The following TMEM161B variants were observed in gnomAD, a reference collection of about 807,000 sequenced individuals.
TMEM161B encodes the protein transmembrane protein 161B.
Under a neutral mutation model 61.8 loss-of-function variants are expected in TMEM161B, and 34 were observed. That is an observed-to-expected ratio of 0.55 (90% CI 0.42 to 0.73). The LOEUF is 0.73. Among genes scored for constraint, TMEM161B ranks in the 30% least tolerant of loss-of-function variants. The pLI, the probability that TMEM161B is intolerant of heterozygous loss-of-function variation, is 0.00. For synonymous variants in TMEM161B, 167 were observed against 192.8 expected (o/e 0.87, Z 1.11); for missense variants, 456 against 558.5 (o/e 0.82, Z 1.85).
intron 5 of TMEM161B, among the ~76,000 whole-genome samples, chr5:88,212,457 T>C (rs542478597): frequency 6.6e-6 from 1 of 152,302 alleles, no homozygotes; most frequent in Admixed American, 6.5e-5. Context: ...ATGAACAGGT[T>C]CAAGTTTTAG....
At position 88,203,093 on chromosome 5, in the gene TMEM161B, A is replaced by T. The variant is rs1185341327; in HGVS notation, c.801-18T>A. 1 of 1,465,166 alleles carries T rather than the reference A, an allele frequency of 6.8e-7. No individual in the cohort carries two copies. The highest frequency in any genetic ancestry group is 9.5e-7 in the Non-Finnish European group (1 of 1,048,966). The allele number at this position is 1,465,166 out of a possible 1,614,324, so 90.8% of individuals were successfully genotyped here. A position where few individuals can be genotyped will look rare whatever the true frequency, so the allele number is the denominator to read the frequency against. ...GTAAAGTTCTGAAAGTACGTAAGAAATAAATATAAAAATTCAGAAACAGCA... is the reference window on the plus strand; with the variant it reads ...GTAAAGTTCTGAAAGTACGTAAGAATTAAATATAAAAATTCAGAAACAGCA... On this transcript the variant is annotated intron_variant, in intron 8 of 11. Transcript: ENST00000296595.
intron 1 of TMEM161B, among the ~76,000 whole-genome samples, chr5:88,256,232 T>C (rs1402852829): frequency 6.6e-6 from 1 of 152,182 alleles, no homozygotes; most frequent in Non-Finnish European, 1.5e-5. Context: ...TAATATCTCA[T>C]ATAAAGCAAT....
At chr5:88,266,870 C>T (rs1476897137) in intron 1 of TMEM161B, among the ~76,000 whole-genome samples, 2 of 152,116 alleles carry the variant, frequency 1.3e-5, no homozygotes, top group Non-Finnish European at 2.9e-5. Context: ...ATAAGCACTT[C>T]CAGAAGGAAA....
chr5:88,258,699 CAG>C (rs1272482387), intron 1 of TMEM161B, among the ~76,000 whole-genome samples: 1 of 152,052 alleles, frequency 6.6e-6, no homozygotes, highest in Non-Finnish European at 1.5e-5. Context: ...GCTTCAGTAA[CAG>C]AACCTTGCTG....
At chr5:88,251,245 G>A (rs1362709373) in intron 1 of TMEM161B, among the ~76,000 whole-genome samples, 2 of 152,004 alleles carry the variant, frequency 1.3e-5, no homozygotes, top group East Asian at 1.9e-4. Context: ...GTCTGCATGT[G>A]GTTAGTCTGA....
chr5:88,192,417 G>A (rs1229979123), downstream of TMEM161B, among the ~76,000 whole-genome samples: 2 of 152,010 alleles, frequency 1.3e-5, no homozygotes, highest in African/African-American at 4.8e-5. Context: ...ACAAAAATAT[G>A]TGAAAATGTT....
rs75442791 is a variant in TMEM161B, at chr5:88,229,272, T to C, written c.108-744A>G. ...ACTTAAATTTGATATTCATATCTTA[T>C]TTTCAATGTGCCCTCTCCACATGCT... is the stretch of plus-strand genomic sequence containing the variant. On this transcript the variant is annotated intron_variant, in intron 2 of 11. Transcript: ENST00000296595. 4.6e-3 allele frequency among the ~76,000 whole-genome samples: 700 copies of C among 152,296 alleles called. 11 individuals are homozygous for C. The highest frequency in any genetic ancestry group is 0.016 in the African/African-American group (674 of 41,560).
intron 8 of TMEM161B, among the ~76,000 whole-genome samples, chr5:88,204,796 C>T (rs149899141): frequency 1.9e-3 from 275 of 144,920 alleles, no homozygotes; most frequent in Middle Eastern, 7.1e-3. Context: ...TAGTGGGAGG[C>T]GATAGTAAGT....
intron 6 of TMEM161B, among the ~76,000 whole-genome samples, chr5:88,206,792 T>C (rs1308722197): frequency 6.6e-6 from 1 of 151,820 alleles, no homozygotes; most frequent in Admixed American, 6.5e-5. Flanking sequence ...CTTATTTAAC[T>C]GTAAGGAAAA....
In TMEM161B at chr5:88,198,686, T is replaced by A. The variant is rs1048636789; in HGVS notation, c.1089+290A>T. The A allele has an allele frequency of 1.6e-5, 4 of 248,460 alleles. No homozygotes were observed. The South Asian group carries it at 3.9e-4, about 25-fold the overall frequency. The allele number at this position is 248,460 out of a possible 1,614,324, so 15.4% of individuals were successfully genotyped here. On this transcript the variant is annotated intron_variant, in intron 10 of 11. Transcript: ENST00000296595. Reference sequence around the variant, plus strand: ...AAAGTCTGGACAATATGTTATAATGTCTTTCAAATCAATTAGAAGGGTCCC... The same window carrying A: ...AAAGTCTGGACAATATGTTATAATGACTTTCAAATCAATTAGAAGGGTCCC...
intron 1 of TMEM161B, among the ~76,000 whole-genome samples, chr5:88,244,989 T>G (rs780403): frequency 0.79 from 119,519 of 151,654 alleles, 47,342 homozygotes; most frequent in South Asian, 0.86. Context: ...CATTGATTTT[T>G]TGTTCTGAAA....
At chr5:88,203,871 G>T (rs1427351470) in intron 8 of TMEM161B, among the ~76,000 whole-genome samples, 1 of 144,662 alleles carries the variant, frequency 6.9e-6, no homozygotes, top group African/African-American at 2.6e-5. Context: ...TTTCAGGTCT[G>T]CGCTATAACT....
intron 5 of TMEM161B, among the ~76,000 whole-genome samples, chr5:88,218,347 A>G (rs770942008): frequency 2.6e-5 from 4 of 152,200 alleles, no homozygotes; most frequent in South Asian, 4.1e-4. Context: ...GAACTCAAGA[A>G]CATCAGTTCA....
At chr5:88,264,468 C>G (rs745758987) in intron 1 of TMEM161B, among the ~76,000 whole-genome samples, 1 of 152,138 alleles carries the variant, frequency 6.6e-6, no homozygotes, top group Non-Finnish European at 1.5e-5. Context: ...AATAGGAACG[C>G]TTTTACACTG....
intron 1 of TMEM161B, among the ~76,000 whole-genome samples, chr5:88,262,711 A>C (rs1755832110): frequency 6.6e-6 from 1 of 152,132 alleles, no homozygotes; most frequent in Non-Finnish European, 1.5e-5. Flanking sequence ...ACCAAGAATG[A>C]ACCCCAAAGT....
chr5:88,256,089 C>T (rs563539966), intron 1 of TMEM161B, among the ~76,000 whole-genome samples: 85 of 152,234 alleles, frequency 5.6e-4, no homozygotes, highest in African/African-American at 2.0e-3. Context: ...GAAAAAGATA[C>T]TTTTTCATAA....
intron 2 of TMEM161B, among the ~76,000 whole-genome samples, chr5:88,234,372 A>C (rs1039931375): frequency 1.3e-5 from 2 of 152,174 alleles, no homozygotes; most frequent in African/African-American, 4.8e-5. Context: ...AAGTTGTCTG[A>C]GAAGTACAGC....
chr5:88,217,986 C>T (rs1748220934), intron 5 of TMEM161B, among the ~76,000 whole-genome samples: 2 of 149,616 alleles, frequency 1.3e-5, no homozygotes, highest in African/African-American at 4.9e-5. Context: ...ATAAAACGAG[C>T]AGAATTCCAT....
chr5:88,197,806 A>G (rs370860959), intron 10 of TMEM161B, 41 bp from the exon 11 acceptor site: 1 of 1,526,650 alleles, frequency 6.6e-7, no homozygotes, highest in Non-Finnish European at 9.0e-7. Flanking sequence ...TGCAACTGAC[A>G]TGTTAGGAGT....
Sources: allele counts gnomAD v4.1 joint callset (sites outside exome capture counted in the v4.1 genomes callset), GRCh38; gene constraint gnomAD v4.1.1; transcripts MANE v1.5; gene names NCBI Gene and HGNC (gene_info 2026-07-23, HGNC 2026-07-21).